Variants in GBE1 observed in about 807,000 individuals in gnomAD.
GBE1 encodes the protein 1,4-alpha-glucan branching enzyme 1.
Under a neutral mutation model 88.8 loss-of-function variants are expected in GBE1, and 70 were observed. The ratio of observed to expected loss-of-function variants is 0.79; its 90% CI spans 0.65 to 0.96. GBE1 has a LOEUF of 0.96. Among genes scored for constraint, GBE1 ranks in the 40% least tolerant of loss-of-function variants. GBE1 has a pLI of 0.00. For missense variants in GBE1, 872 were observed against 871.0 expected (o/e 1.00, Z -0.01); for synonymous variants, 284 against 300.1 (o/e 0.95, Z 0.56).
At chr3:81,685,315 T>TG (rs1003241684) in intron 2 of GBE1, among the ~76,000 whole-genome samples, 1 of 151,968 alleles carries the variant, frequency 6.6e-6, no homozygotes, top group Non-Finnish European at 1.5e-5. Context: ...AGACAAGTTT[T>TG]TTGTTGTTGT....
chr3:81,744,067 T>TA (rs1177276888), intron 1 of GBE1, among the ~76,000 whole-genome samples: 1 of 152,142 alleles, frequency 6.6e-6, no homozygotes, highest in Non-Finnish European at 1.5e-5. Context: ...TCTCCCTCCT[T>TA]AATCTTCCCC....
intron 1 of GBE1, among the ~76,000 whole-genome samples, chr3:81,744,599 G>A (rs1706397383): frequency 6.6e-6 from 1 of 152,030 alleles, no homozygotes; most frequent in African/African-American, 2.4e-5. Flanking sequence ...ATTAAAAACA[G>A]CCCACTATCC....
At chr3:81,756,066 C>A (rs912403193) in intron 1 of GBE1, among the ~76,000 whole-genome samples, 5 of 152,064 alleles carry the variant, frequency 3.3e-5, no homozygotes, top group African/African-American at 9.7e-5. Flanking sequence ...AATTGTAATA[C>A]TTAACATATA....
intron 9 of GBE1, among the ~76,000 whole-genome samples, chr3:81,589,757 A>C (rs1486477325): frequency 6.6e-6 from 1 of 152,042 alleles, no homozygotes; most frequent in African/African-American, 2.4e-5. Context: ...CATTTGTAAT[A>C]TCTCTGCTTT....
rs1358576411 is a variant in GBE1 at position 81,657,965 on chromosome 3, C to T, written c.430-8044G>A. On this transcript the variant is annotated intron_variant, in intron 3 of 15. Transcript: ENST00000429644. The stretch of plus-strand genomic sequence containing the variant: ...ATATTATGCAAGACTGGACACTACA[C>T]AGGAGAAAAGAAGATATCCTGGCTA... Among the ~76,000 whole-genome samples, 3 of 152,044 alleles carry T rather than the reference C, an allele frequency of 2.0e-5. No homozygotes were observed. The East Asian group carries it at 5.8e-4, about 29-fold the overall frequency.
Position 81,629,265 on chromosome 3 carries a change from G to A in GBE1, c.992+13516C>T, listed in dbSNP as rs369863027. On this transcript the variant is annotated intron_variant, in intron 7 of 15. Coordinates refer to ENST00000429644, the MANE Select transcript of GBE1 (RefSeq NM_000158.4). ...CATTGTTCAATTCCCACCTATGAGT[G>A]AGAATATGCGGTGTTTGGTTTTTTG... is the stretch of plus-strand genomic sequence containing the variant. Among the ~76,000 whole-genome samples, 5 of 142,754 alleles carry A rather than the reference G, an allele frequency of 3.5e-5. No homozygotes were observed. The East Asian group carries it at 1.0e-3, about 30-fold the overall frequency. The allele number at this position is 142,754 out of a possible 152,430, so 93.7% of individuals were successfully genotyped here. A position where few individuals can be genotyped will look rare whatever the true frequency, so the allele number is the denominator to read the frequency against.
At position 81,750,665 on chromosome 3, in the gene GBE1, A is replaced by ACG. The variant is rs1171894433; in HGVS notation, c.143+10709_143+10710insCG. Among the ~76,000 whole-genome samples the ACG allele has an allele frequency of 2.0e-4, 16 of 79,078 alleles. 2 individuals are homozygous for ACG. The highest frequency in any genetic ancestry group is 2.3e-4 in the African/African-American group (3 of 12,950). The allele number at this position is 79,078 out of a possible 152,430, so 51.9% of individuals were successfully genotyped here. A position where few individuals can be genotyped will look rare whatever the true frequency, so the allele number is the denominator to read the frequency against. The stretch of plus-strand genomic sequence containing the variant: ...TATATGTATATATATATATGTATAT[A>ACG]TATATATACGTATATATATATATAT... On this transcript the variant is annotated intron_variant, in intron 1 of 15. Coordinates refer to ENST00000429644, the MANE Select transcript of GBE1 (RefSeq NM_000158.4).
intron 2 of GBE1, among the ~76,000 whole-genome samples, chr3:81,675,212 T>C (rs563919651): frequency 2.3e-4 from 35 of 152,180 alleles, no homozygotes; most frequent in African/African-American, 8.4e-4. Context: ...AGTAATTTTC[T>C]AGATGAAGTT....
At chr3:81,583,275 T>C (rs1338438719) in intron 10 of GBE1, among the ~76,000 whole-genome samples, 1 of 152,168 alleles carries the variant, frequency 6.6e-6, no homozygotes, top group East Asian at 1.9e-4. Flanking sequence ...CTAGTCAGAA[T>C]GTAAAATGTT....
intron 2 of GBE1, among the ~76,000 whole-genome samples, chr3:81,687,307 CA>C (rs1178297511): frequency 6.6e-6 from 1 of 152,082 alleles, no homozygotes; most frequent in Non-Finnish European, 1.5e-5. Flanking sequence ...AAAGAAGAGG[CA>C]AACAGATGTA....
chr3:81,666,054 G>A (rs1705110403), intron 3 of GBE1, among the ~76,000 whole-genome samples: 1 of 152,020 alleles, frequency 6.6e-6, no homozygotes. Context: ...TTAGTAATGG[G>A]TATGGACTTG....
chr3:81,541,109 C>A (rs914728855), intron 12 of GBE1, among the ~76,000 whole-genome samples: 3 of 151,928 alleles, frequency 2.0e-5, no homozygotes, highest in African/African-American at 7.3e-5. Context: ...GAGGTGAAAA[C>A]AACAAATTCA....
intron 5 of GBE1, among the ~76,000 whole-genome samples, chr3:81,648,126 C>T (rs913062686): frequency 2.1e-4 from 32 of 152,176 alleles, no homozygotes; most frequent in African/African-American, 7.5e-4. Context: ...TTTAACCATG[C>T]CTTACAAACC....
chr3:81,598,506 T>A (rs1703988520), intron 7 of GBE1, among the ~76,000 whole-genome samples: 1 of 151,978 alleles, frequency 6.6e-6, no homozygotes, highest in African/African-American at 2.4e-5. Context: ...CCTGGTTTAT[T>A]TTTTAAAATT....
intron 3 of GBE1, among the ~76,000 whole-genome samples, chr3:81,661,057 G>A (rs1449510187): frequency 3.3e-5 from 5 of 150,458 alleles, no homozygotes; most frequent in African/African-American, 1.2e-4. Flanking sequence ...CCAAACAAAA[G>A]CTCTCTTGAA....
chr3:81,545,092 A>G (rs1394323262), intron 12 of GBE1, among the ~76,000 whole-genome samples: 1 of 152,170 alleles, frequency 6.6e-6, no homozygotes, highest in Non-Finnish European at 1.5e-5. Context: ...CTAAAGACTA[A>G]CTTTTAAAAG....
At chr3:81,550,400 G>A (rs1559642026) in intron 12 of GBE1, among the ~76,000 whole-genome samples, 2 of 151,332 alleles carry the variant, frequency 1.3e-5, no homozygotes, top group Non-Finnish European at 3.0e-5. Flanking sequence ...TATTCAGCCT[G>A]AAGAAGTTAC....
chr3:81,586,005 C>G (rs1321815519), intron 10 of GBE1, 87 bp downstream of exon 10: 2 of 733,412 alleles, frequency 2.7e-6, no homozygotes, highest in East Asian at 5.8e-5. Context: ...ATATCTGTAA[C>G]TAATGATTAC....
intron 2 of GBE1, among the ~76,000 whole-genome samples, chr3:81,682,096 T>A (rs911752184): frequency 2.6e-5 from 4 of 152,158 alleles, no homozygotes; most frequent in African/African-American, 9.7e-5. Flanking sequence ...ACAACCCAAT[T>A]TTTAAAATGA....
Sources: allele counts gnomAD v4.1 joint callset (sites outside exome capture counted in the v4.1 genomes callset), GRCh38; gene constraint gnomAD v4.1.1; transcripts MANE v1.5; gene names NCBI Gene and HGNC (gene_info 2026-07-23, HGNC 2026-07-21).